DMD: variants seen among roughly 807,000 people sequenced by gnomAD.
DMD encodes the protein mutant dystrophin.
Under a neutral mutation model 330.1 loss-of-function variants are expected in DMD, and 63 were observed. The ratio of observed to expected loss-of-function variants is 0.19; its 90% CI spans 0.16 to 0.24. DMD has a LOEUF of 0.24. Ranked by LOEUF, DMD falls within the 10% of genes least tolerant of loss-of-function variation. DMD has a pLI of 1.00. For missense variants in DMD, 3,344 were observed against 2,684.1 expected (o/e 1.25, Z -5.43); for synonymous variants, 1,223 against 959.8 (o/e 1.27, Z -5.07).
At chrX:31,511,043 T>C (rs1028894597) in intron 55 of DMD, among the ~76,000 whole-genome samples, 1 of 110,902 alleles carries the variant, frequency 9.0e-6, no homozygotes, top group Non-Finnish European at 1.9e-5. Flanking sequence ...TCCTTTGGGA[T>C]GGCAGGCTGG....
intron 7 of DMD, among the ~76,000 whole-genome samples, chrX:32,801,819 A>G (rs1181927916): frequency 2.7e-5 from 3 of 111,277 alleles, no homozygotes; most frequent in Admixed American, 9.5e-5. Context: ...AGATGGTTGT[A>G]GATGTGTGGT....
rs2040679165 is a variant in DMD at position 31,177,788 on chromosome X, A to G, written c.10262+144T>C. On this transcript the variant is annotated intron_variant, in intron 71 of 78. Transcript: ENST00000357033. ...AAGTCTCATCAAGAAAAGAAAAAAA[A>G]AAACTGAAATGAAGGAAGGGGAATT... 3.3e-5 allele frequency: 19 copies of G among 576,412 alleles called. No homozygotes were observed. The East Asian group carries it at 6.1e-4, about 19-fold the overall frequency. 47.5% of individuals were successfully genotyped at this position (576,412 alleles called of 1,213,427 possible).
chrX:32,094,280 A>G (rs2096492598), intron 44 of DMD, among the ~76,000 whole-genome samples: 1 of 112,156 alleles, frequency 8.9e-6, no homozygotes, highest in African/African-American at 3.2e-5. Context: ...TGAAATGGCA[A>G]TAAGAATTAG....
chrX:32,887,770 A>ACAAAAC (rs2084793900), intron 2 of DMD, among the ~76,000 whole-genome samples: 1 of 70,337 alleles, frequency 1.4e-5, no homozygotes, highest in Admixed American at 1.4e-4. Flanking sequence ...AAAAAAAAAA[A>ACAAAAC]AAAAAACATC....
chrX:32,643,700 G>T (rs2059614510), intron 11 of DMD, among the ~76,000 whole-genome samples: 2 of 111,264 alleles, frequency 1.8e-5, no homozygotes, highest in Admixed American at 1.9e-4. Flanking sequence ...TTTTCAAGAG[G>T]ATTTCCATAT....
chrX:31,459,971 A>G (rs2066429951), intron 59 of DMD, among the ~76,000 whole-genome samples: 1 of 111,681 alleles, frequency 9.0e-6, no homozygotes, highest in Non-Finnish European at 1.9e-5. Flanking sequence ...GTAAAATTTC[A>G]TTTTTTCTCA....
intron 52 of DMD, among the ~76,000 whole-genome samples, chrX:31,725,464 C>T (rs1392188929): frequency 9.0e-6 from 1 of 111,306 alleles, no homozygotes; most frequent in Non-Finnish European, 1.9e-5. Context: ...TTCAAAGCAC[C>T]CCAATAGATT....
chrX:31,967,319 TG>T lies in DMD; in HGVS notation c.6614+1019del, dbSNP rs1280865918. Among the ~76,000 whole-genome samples, 537 of 102,539 alleles carry T rather than the reference TG, an allele frequency of 5.2e-3. 8 individuals carry two copies. The highest frequency in any genetic ancestry group is 0.044 in the East Asian group (136 of 3,082). 89.0% of individuals were successfully genotyped at this position (102,539 alleles called of 115,157 possible). A position where few individuals can be genotyped will look rare whatever the true frequency, so the allele number is the denominator to read the frequency against. On this transcript the variant is annotated intron_variant, in intron 45 of 78. Coordinates refer to ENST00000357033, the MANE Select transcript of DMD (RefSeq NM_004006.3). ...AGGGGTGTGTGTGTGTGTGTGTGTG[TG>T]TGTGTGTGTGTGTGTGTGTGTGTGT...
At chrX:31,554,203 G>T (rs1391008218) in intron 55 of DMD, among the ~76,000 whole-genome samples, 1 of 112,250 alleles carries the variant, frequency 8.9e-6, no homozygotes, top group African/African-American at 3.2e-5. Context: ...GAGAAGAAGA[G>T]AATATGAGAG....
intron 43 of DMD, among the ~76,000 whole-genome samples, chrX:32,244,829 T>G (rs2097226163): frequency 1.6e-5 from 1 of 63,807 alleles, no homozygotes; most frequent in African/African-American, 5.4e-5. Context: ...TCTTGTAAAT[T>G]TGTTTGAGTT....
intron 2 of DMD, among the ~76,000 whole-genome samples, chrX:33,009,048 A>C (rs1436335961): frequency 1.0e-5 from 1 of 96,422 alleles, no homozygotes; most frequent in Non-Finnish European, 2.1e-5. Context: ...ATATATGTAT[A>C]TGTGTCTATA....
intron 4 of DMD, among the ~76,000 whole-genome samples, chrX:32,827,674 T>C (rs1039247048): frequency 9.3e-6 from 1 of 107,391 alleles, no homozygotes; most frequent in African/African-American, 3.4e-5. Flanking sequence ...TTTTTTTTTT[T>C]TTTGAGGTGG....
At chrX:32,734,495 C>A (rs2068152414) in intron 7 of DMD, among the ~76,000 whole-genome samples, 1 of 107,589 alleles carries the variant, frequency 9.3e-6, no homozygotes, top group Non-Finnish European at 1.9e-5. Context: ...CCTTGATGAA[C>A]ACTGATGCAA....
At chrX:33,308,855 T>C (rs1195655313) in intron 1 of DMD, among the ~76,000 whole-genome samples, 1 of 111,689 alleles carries the variant, frequency 9.0e-6, no homozygotes, top group Admixed American at 9.6e-5. Context: ...CAACGTGCTA[T>C]TAGCAAGTAG....
intron 2 of DMD, among the ~76,000 whole-genome samples, chrX:32,947,566 T>C (rs1023239230): frequency 1.8e-5 from 2 of 111,832 alleles, no homozygotes; most frequent in Admixed American, 9.6e-5. Context: ...TTTTGCATTA[T>C]TTAGTCATCT....
Position 32,466,210 on chromosome X carries a change from C to G in DMD, c.3163-1511G>C, listed in dbSNP as rs187859689. On this transcript the variant is annotated intron_variant, in intron 23 of 78. Transcript: ENST00000357033. ...TCCAACCATAATATTTTATTAATCC[C>G]CATATATATTGTCTACCCAGTGTTG... Among the ~76,000 whole-genome samples, 827 of 110,796 alleles carry G rather than the reference C, an allele frequency of 7.5e-3. 32 individuals carry two copies. The highest frequency in any genetic ancestry group is 0.058 in the Admixed American group (597 of 10,305).
At chrX:31,503,292 T>C (rs1010188776) in intron 56 of DMD, among the ~76,000 whole-genome samples, 1 of 112,333 alleles carries the variant, frequency 8.9e-6, no homozygotes, top group Non-Finnish European at 1.9e-5. Context: ...AATAAAATTG[T>C]ACGATTGCAA....
intron 61 of DMD, among the ~76,000 whole-genome samples, chrX:31,344,037 CG>C (rs58479792): frequency 0.31 from 25,413 of 83,129 alleles, 3,449 homozygotes; most frequent in African/African-American, 0.53. Flanking sequence ...GATTGGAGTG[CG>C]GGGGGGGGTG....
chrX:32,816,441 T>C, intron 6 of DMD, 27 bp downstream of exon 6: 1 of 1,207,223 alleles, frequency 8.3e-7, no homozygotes, highest in East Asian at 3.0e-5. Context: ...TTTTACAAGT[T>C]ATTTAATGTC....
Sources: gnomAD v4.1 joint callset for allele counts (sites outside exome capture counted in the v4.1 genomes callset) on GRCh38, gnomAD v4.1.1 for gene constraint, MANE v1.5 for transcripts, NCBI Gene and HGNC (gene_info 2026-07-23, HGNC 2026-07-21) for gene names.